Variants in FTO observed in about 807,000 individuals in gnomAD.
FTO encodes the protein alpha-ketoglutarate-dependent dioxygenase FTO.
FTO carries 47 observed loss-of-function variants against 63.9 expected under a neutral mutation model. The ratio of observed to expected loss-of-function variants is 0.74; its 90% CI spans 0.58 to 0.94. The LOEUF (loss-of-function observed/expected upper bound fraction) is 0.94, where lower values mean the gene tolerates loss of function less well. Among genes scored for constraint, FTO ranks in the 40% least tolerant of loss-of-function variants. The pLI is 0.00. For missense variants in FTO, 562 were observed against 618.1 expected (o/e 0.91, Z 0.96); for synonymous variants, 207 against 224.4 (o/e 0.92, Z 0.69).
At chr16:53,726,856 C>A (rs1040688378) in intron 1 of FTO, among the ~76,000 whole-genome samples, 1 of 152,192 alleles carries the variant, frequency 6.6e-6, no homozygotes, top group African/African-American at 2.4e-5. Flanking sequence ...TGGTGAATGA[C>A]AGGCATTGGC....
At chr16:54,029,463 C>T (rs1343230113) in intron 8 of FTO, among the ~76,000 whole-genome samples, 1 of 152,120 alleles carries the variant, frequency 6.6e-6, no homozygotes, top group Non-Finnish European at 1.5e-5. Context: ...AGTTATTCTC[C>T]TACTAAAGTT....
At chr16:53,709,442 G>A (rs944672902) in intron 1 of FTO, among the ~76,000 whole-genome samples, 6 of 152,124 alleles carry the variant, frequency 3.9e-5, no homozygotes, top group Admixed American at 3.3e-4. Context: ...TTCATACCCC[G>A]TGCCTCAGTT....
intron 8 of FTO, among the ~76,000 whole-genome samples, chr16:54,108,476 G>A (rs2086805248): frequency 6.6e-6 from 1 of 152,106 alleles, no homozygotes; most frequent in South Asian, 2.1e-4. Flanking sequence ...TTTGATTCAA[G>A]CCAGACAGAG....
intron 8 of FTO, among the ~76,000 whole-genome samples, chr16:54,098,589 ATC>A (rs2086564914): frequency 6.6e-6 from 1 of 152,218 alleles, no homozygotes; most frequent in Non-Finnish European, 1.5e-5. Flanking sequence ...TGCTTTGCTT[ATC>A]TCTCAGGAGT....
At chr16:53,836,622 G>A (rs1336470464) in intron 3 of FTO, among the ~76,000 whole-genome samples, 3 of 152,150 alleles carry the variant, frequency 2.0e-5, no homozygotes, top group Non-Finnish European at 4.4e-5. Context: ...TCTTTTGATA[G>A]CAAATAATAA....
chr16:53,867,761 C>T (rs2080369324), intron 4 of FTO, among the ~76,000 whole-genome samples: 1 of 152,020 alleles, frequency 6.6e-6, no homozygotes, highest in Admixed American at 6.6e-5. Context: ...TGATTTTCTG[C>T]CTGCTGTATC....
chr16:54,032,894 A>G (rs1461097255), intron 8 of FTO, among the ~76,000 whole-genome samples: 1 of 151,774 alleles, frequency 6.6e-6, no homozygotes, highest in African/African-American at 2.4e-5. Context: ...AAAGTGTGGC[A>G]TCTCCCTCCC....
chr16:53,807,863 C>A (rs563279159), intron 1 of FTO, among the ~76,000 whole-genome samples: 9 of 152,204 alleles, frequency 5.9e-5, no homozygotes, highest in African/African-American at 2.2e-4. Context: ...ACAAGTATGG[C>A]ATGGAAATAT....
chr16:54,081,965 G>A (rs1223101837), intron 8 of FTO, among the ~76,000 whole-genome samples: 4 of 152,162 alleles, frequency 2.6e-5, no homozygotes, highest in African/African-American at 9.7e-5. Flanking sequence ...CCAGGTCATT[G>A]GGGACAGAGC....
intron 7 of FTO, among the ~76,000 whole-genome samples, chr16:53,908,897 C>T (rs1032298025): frequency 1.3e-5 from 2 of 152,140 alleles, no homozygotes; most frequent in Non-Finnish European, 2.9e-5. Flanking sequence ...TATCGTTTCT[C>T]ATGTGAGTTC....
At chr16:53,806,562 C>T (rs1470830093) in intron 1 of FTO, among the ~76,000 whole-genome samples, 2 of 152,128 alleles carry the variant, frequency 1.3e-5, no homozygotes, top group African/African-American at 4.8e-5. Context: ...TTTTTGTTTA[C>T]TGTTGCTTTA....
chr16:53,852,101 CAAA>C (rs57004473), intron 4 of FTO, among the ~76,000 whole-genome samples: 165 of 54,438 alleles, frequency 3.0e-3, no homozygotes, highest in African/African-American at 9.3e-3. Context: ...ACAAAAAATA[CAAA>C]AAAAAAAAAA....
chr16:53,788,210 T>A (rs1317700750), intron 1 of FTO, among the ~76,000 whole-genome samples: 1 of 152,070 alleles, frequency 6.6e-6, no homozygotes, highest in East Asian at 1.9e-4. Flanking sequence ...TTACCTAAAG[T>A]TTGTAAATTC....
At position 53,888,671 on chromosome 16, in the gene FTO, A is replaced by T. The variant is rs139547821; in HGVS notation, c.1120-161A>T. 3.1e-4 allele frequency among the ~76,000 whole-genome samples: 47 copies of T among 152,284 alleles called. No homozygotes were observed. The East Asian group carries it at 8.3e-3, about 27-fold the overall frequency. ...TCTTAGCTTTGCAGATATGCTCTGG[A>T]GATGCCAGCTTACACTGGGAACTGG... On this transcript the variant is annotated intron_variant, in intron 6 of 8. Coordinates refer to ENST00000471389, the MANE Select transcript of FTO (RefSeq NM_001080432.3).
intron 2 of FTO, among the ~76,000 whole-genome samples, chr16:53,814,377 G>C (rs2078616594): frequency 6.6e-6 from 1 of 152,154 alleles, no homozygotes; most frequent in East Asian, 1.9e-4. Context: ...TTGTGTGCTA[G>C]CTGTGTGCCA....
chr16:53,780,775 G>C (rs763818458), intron 1 of FTO, among the ~76,000 whole-genome samples: 1 of 152,144 alleles, frequency 6.6e-6, no homozygotes, highest in Non-Finnish European at 1.5e-5. Flanking sequence ...TTTACTGGCT[G>C]TGTGATTTTG....
At chr16:53,943,498 A>T (rs1374346589) in intron 8 of FTO, among the ~76,000 whole-genome samples, 1 of 152,220 alleles carries the variant, frequency 6.6e-6, no homozygotes, top group Non-Finnish European at 1.5e-5. Flanking sequence ...TTTATCCAAC[A>T]TACATTTATT....
At chr16:54,095,440 C>CTTTT (rs144637373) in intron 8 of FTO, among the ~76,000 whole-genome samples, 1 of 146,984 alleles carries the variant, frequency 6.8e-6, no homozygotes, top group African/African-American at 2.5e-5. Context: ...TCTATTCACT[C>CTTTT]TTTTTTTTTT....
At chr16:53,875,405 C>T (rs987687764) in intron 5 of FTO, among the ~76,000 whole-genome samples, 6 of 152,138 alleles carry the variant, frequency 3.9e-5, no homozygotes, top group African/African-American at 7.2e-5. Context: ...CGTACCTAAT[C>T]GTAGTGTTCT....
Sources: gnomAD v4.1 joint callset for allele counts (sites outside exome capture counted in the v4.1 genomes callset) on GRCh38, gnomAD v4.1.1 for gene constraint, MANE v1.5 for transcripts, NCBI Gene and HGNC (gene_info 2026-07-23, HGNC 2026-07-21) for gene names.